HELZ: variants seen among roughly 807,000 people sequenced by gnomAD.
HELZ encodes ATP-dependent RNA helicase with zinc finger domain.
In HELZ, 23 loss-of-function variants were observed where a neutral mutation model predicts 218.2. That is an observed-to-expected ratio of 0.11 (90% CI 0.08 to 0.15). The LOEUF (loss-of-function observed/expected upper bound fraction) is 0.15. Ranked by LOEUF, HELZ falls within the 10% of genes least tolerant of loss-of-function variation. The probability of loss-of-function intolerance (pLI) is 1.00; values close to 1 mark genes in which losing one functional copy is unlikely to be tolerated. For synonymous variants in HELZ, 814 were observed against 829.4 expected, an observed-to-expected ratio of 0.98 and a Z score of 0.32; for missense variants, 1,813 against 2,353.7, an observed-to-expected ratio of 0.77 and a Z score of 4.75.
chr17:67,203,731 T>C (rs1368535625), intron 5 of HELZ, among the ~76,000 whole-genome samples: 1 of 152,158 alleles, frequency 6.6e-6, no homozygotes, highest in Non-Finnish European at 1.5e-5. Flanking sequence ...AACCTACGAA[T>C]TCTGGGTAAA....
chr17:67,084,108 T>C (rs1399023820), intron 32 of HELZ, among the ~76,000 whole-genome samples: 3 of 152,202 alleles, frequency 2.0e-5, no homozygotes, highest in Non-Finnish European at 4.4e-5. Flanking sequence ...TACAATTCTC[T>C]AAAAATAAAA....
chr17:67,117,307 A>C (rs1464189286), intron 27 of HELZ, among the ~76,000 whole-genome samples: 6 of 152,228 alleles, frequency 3.9e-5, no homozygotes, highest in Admixed American at 6.5e-5. Context: ...ATTAAAGTAC[A>C]AATCAGTAAC....
chr17:67,232,440 C>T (rs2041064140), intron 3 of HELZ, among the ~76,000 whole-genome samples: 1 of 152,216 alleles, frequency 6.6e-6, no homozygotes, highest in African/African-American at 2.4e-5. Flanking sequence ...GCGTGAGCCC[C>T]TGTGTCTGGC....
chr17:67,194,046 G>A lies in HELZ; in HGVS notation c.482-4C>T. On this transcript the variant is annotated splice_polypyrimidine_tract_variant and splice_region_variant and intron_variant, in intron 8 of 32. Transcript: ENST00000358691. Reference sequence around the variant, plus strand: ...AAATGCCAACCATTACAAGACCCTAGGGAGTAATTAGGATATAGTCTTATC... The same window carrying A: ...AAATGCCAACCATTACAAGACCCTAAGGAGTAATTAGGATATAGTCTTATC... The A allele has an allele frequency of 6.2e-7, 1 of 1,605,180 alleles. No individual in the cohort carries two copies. The highest frequency in any genetic ancestry group is 8.5e-7 in the Non-Finnish European group (1 of 1,172,890).
At chr17:67,186,745 A>G (rs771063164) in intron 12 of HELZ, among the ~76,000 whole-genome samples, 3 of 152,170 alleles carry the variant, frequency 2.0e-5, no homozygotes, top group Admixed American at 1.3e-4. Context: ...CTACAAGCAA[A>G]TTTCTAAAAT....
At chr17:67,201,013 C>T (rs1288076345) in intron 7 of HELZ, 116 bp downstream of exon 7, 2 of 816,902 alleles carry the variant, frequency 2.4e-6, no homozygotes, top group South Asian at 2.7e-5. Flanking sequence ...ACTGCCCCAC[C>T]TTCACAGCCT....
At chr17:67,214,493 T>C (rs1460130676) in intron 5 of HELZ, among the ~76,000 whole-genome samples, 1 of 151,694 alleles carries the variant, frequency 6.6e-6, no homozygotes, top group African/African-American at 2.4e-5. Context: ...TTCGAACTCC[T>C]GACCTCAAGT....
intron 8 of HELZ, among the ~76,000 whole-genome samples, chr17:67,195,106 C>T (rs2039989933): frequency 6.6e-6 from 1 of 152,076 alleles, no homozygotes; most frequent in South Asian, 2.1e-4. Context: ...TAGCTTAGGA[C>T]AGAGAGAGAA....
chr17:67,160,358 G>A lies in HELZ; in HGVS notation c.2080C>T (p.Leu694Phe). ...HILQQQETRI[L>F]ICTHSNSAAD... ...GCACTATTAGAATGGGTGCAAATGA[G>A]AATCCTGCTGAAATAAATGGTGCAA... The change falls in exon 17 of 33, where the codon CTC becomes TTC. Residue 694 changes from leucine (L) to phenylalanine (F), a missense_variant. This residue lies in a region of HELZ where 714 missense variants were observed against 1,029.2 expected (regional missense o/e 0.69). Transcript: ENST00000358691. 6.3e-7 allele frequency: 1 copy of A among 1,590,870 alleles called. No homozygotes were observed. The highest frequency in any genetic ancestry group is 8.6e-7 in the Non-Finnish European group (1 of 1,160,304).
chr17:67,136,101 T>C lies in HELZ; in HGVS notation c.3051A>G (p.Glu1017=). Residue 1017 remains glutamate, a synonymous_variant, in exon 23 of 33, where the codon GAA becomes GAG. Transcript: ENST00000358691. The part of the protein sequence containing the change: ...TPIKKKEQLL[E]DSTEDLDYGF... ...CATAATCTAAGTCCTCTGTGGAATC[T>C]TCCAGAAGTTGCTCTTTCTTTTTAA... is the stretch of plus-strand genomic sequence containing the variant. 6.2e-7 allele frequency: 1 copy of C among 1,613,960 alleles called. No homozygotes were observed.
chr17:67,125,113 T>G (rs2037741285), intron 24 of HELZ, among the ~76,000 whole-genome samples: 1 of 150,874 alleles, frequency 6.6e-6, no homozygotes, highest in African/African-American at 2.4e-5. Flanking sequence ...GAGCAAATAT[T>G]CAGATCAGCA....
chr17:67,136,281 T>C, intron 22 of HELZ, 83 bp from the exon 23 acceptor site: 2 of 915,592 alleles, frequency 2.2e-6, no homozygotes, highest in Non-Finnish European at 3.3e-6. Flanking sequence ...TTTTTTAAAA[T>C]GTTATTGCTA....
chr17:67,127,910 G>C (rs2037853589), intron 24 of HELZ, among the ~76,000 whole-genome samples: 1 of 151,192 alleles, frequency 6.6e-6, no homozygotes, highest in Non-Finnish European at 1.5e-5. Context: ...AATTCTTATT[G>C]GTAACTTTAA....
At chr17:67,166,692 CTGTT>C in intron 14 of HELZ, 84 bp from the exon 15 acceptor site, 2 of 1,131,116 alleles carry the variant, frequency 1.8e-6, no homozygotes, top group Non-Finnish European at 2.6e-6. Flanking sequence ...TGGGAGGAAT[CTGTT>C]TGGGACAGTA....
At chr17:67,193,285 C>T (rs1474964285) in intron 9 of HELZ, among the ~76,000 whole-genome samples, 3 of 139,834 alleles carry the variant, frequency 2.1e-5, no homozygotes, top group Middle Eastern at 3.8e-3. Context: ...GCAGAGATTG[C>T]GGTGAGCTGT....
chr17:67,143,414 C>A (rs2038395240), intron 21 of HELZ, among the ~76,000 whole-genome samples: 2 of 151,988 alleles, frequency 1.3e-5, no homozygotes, highest in South Asian at 4.1e-4. Context: ...TCAAGACTAG[C>A]TTGGGCAACA....
chr17:67,081,835 G>C (rs1410869310), intron 32 of HELZ, among the ~76,000 whole-genome samples: 1 of 152,198 alleles, frequency 6.6e-6, no homozygotes, highest in African/African-American at 2.4e-5. Flanking sequence ...CAGACAGAGA[G>C]GGAAAGTGAG....
chr17:67,086,826 T>C lies in HELZ; in HGVS notation c.5494+3A>G. 2 of 1,613,506 alleles carry C rather than the reference T, an allele frequency of 1.2e-6. No homozygotes were observed. Among genetic ancestry groups the C allele is most frequent in the Non-Finnish European group, 1.7e-6 (2 of 1,179,796 alleles). The stretch of plus-strand genomic sequence containing the variant: ...TTAGTTTTAGCCACCAACTCTGTCT[T>C]ACCTATCAACTCTCTGGGCTGAGCT... On this transcript the variant is annotated splice_donor_region_variant and intron_variant, in intron 32 of 32. Coordinates refer to ENST00000358691, the MANE Select transcript of HELZ (RefSeq NM_014877.4).
chr17:67,153,627 A>G (rs1321291114), intron 17 of HELZ, among the ~76,000 whole-genome samples: 1 of 152,182 alleles, frequency 6.6e-6, no homozygotes, highest in Non-Finnish European at 1.5e-5. Flanking sequence ...GAGATAACAG[A>G]TGTATAATAT....
Sources: gnomAD v4.1 joint callset for allele counts (sites outside exome capture counted in the v4.1 genomes callset) on GRCh38, gnomAD v4.1.1 for gene constraint, gnomAD v4.1.1 regional missense constraint, MANE v1.5 for transcripts, NCBI Gene and HGNC (gene_info 2026-07-23, HGNC 2026-07-21) for gene names.